ENAH: variants seen among roughly 807,000 people sequenced by gnomAD.
ENAH encodes the protein ENAH actin regulator.
ENAH carries 23 observed loss-of-function variants against 78.7 expected under a neutral mutation model. The observed-to-expected ratio is 0.29, with a 90% CI of 0.21 to 0.41. ENAH has a LOEUF of 0.41. ENAH is among the 10% of genes least tolerant of loss of function. The probability of loss-of-function intolerance (pLI) is 1.00; values close to 1 mark genes in which losing one functional copy is unlikely to be tolerated. For missense variants in ENAH, 544 were observed against 691.0 expected, an observed-to-expected ratio of 0.79 and a Z score of 2.39; for synonymous variants, 226 against 241.0, an observed-to-expected ratio of 0.94 and a Z score of 0.58.
chr1:225,529,493 C>A (rs1374151717), intron 4 of ENAH, among the ~76,000 whole-genome samples: 1 of 152,084 alleles, frequency 6.6e-6, no homozygotes, highest in African/African-American at 2.4e-5. Context: ...TCCCTCTGCC[C>A]CTTCACAACA....
intron 1 of ENAH, among the ~76,000 whole-genome samples, chr1:225,623,614 C>A (rs1657408971): frequency 7.0e-6 from 1 of 142,252 alleles, no homozygotes; most frequent in African/African-American, 2.6e-5. Flanking sequence ...GAGACGGAGT[C>A]TTGCTCTGTC....
At chr1:225,524,190 G>A (rs2151207690) in intron 4 of ENAH, among the ~76,000 whole-genome samples, 1 of 152,186 alleles carries the variant, frequency 6.6e-6, no homozygotes, top group Admixed American at 6.5e-5. Context: ...GATGCACAAA[G>A]CATCAGCCCA....
chr1:225,564,541 C>G (rs2096725408), intron 2 of ENAH, among the ~76,000 whole-genome samples: 1 of 151,580 alleles, frequency 6.6e-6, no homozygotes, highest in African/African-American at 2.4e-5. Flanking sequence ...GTGATCCACC[C>G]ACCTTGGCCT....
chr1:225,567,288 G>A lies in ENAH; in HGVS notation c.132C>T (p.Asn44=), dbSNP rs1482564288. ...TCTTCCTGCCCACCACTCTGAATGT[G>A]TTGTTGCCTGTATGGTGATAGATAT... ...RVHIYHHTGN[N]TFRVVGRKIQ... Residue 44 remains asparagine, a synonymous_variant, in exon 2 of 14, where the codon AAC becomes AAT. Transcript: ENST00000366843. The A allele has an allele frequency of 4.3e-6, 7 of 1,614,072 alleles. No individual in the cohort carries two copies. The highest frequency in any genetic ancestry group is 5.9e-6 in the Non-Finnish European group (7 of 1,179,986).
chr1:225,513,074 A>C, intron 7 of ENAH, 58 bp from the exon 8 acceptor site: 1 of 1,398,808 alleles, frequency 7.1e-7, no homozygotes. Context: ...TATTTTTATT[A>C]ATATATTACA....
intron 13 of ENAH, 139 bp downstream of exon 13, chr1:225,498,208 C>T (rs1366221485): frequency 4.4e-6 from 3 of 675,266 alleles, no homozygotes; most frequent in Non-Finnish European, 7.6e-6. Flanking sequence ...CTCCCCAAAA[C>T]CCTAATCCTA....
chr1:225,608,105 G>T (rs1042130989), intron 1 of ENAH, among the ~76,000 whole-genome samples: 3 of 150,012 alleles, frequency 2.0e-5, no homozygotes, highest in Non-Finnish European at 4.4e-5. Context: ...AAAAAGATAC[G>T]CATCCGTGAA....
In ENAH at chr1:225,519,384, G is replaced by A. The variant is rs769785150; in HGVS notation, c.616C>T (p.Arg206Trp). 3.7e-6 allele frequency: 6 copies of A among 1,612,342 alleles called. No homozygotes were observed. The highest frequency in any genetic ancestry group is 2.2e-5 in the South Asian group (2 of 91,032). ...TCCTGCCGCTCCAGGCGTTCCTGCC[G>A]CTCCAGGCGTTCCTGCCGTTCCCGT... ...QERERQERLERQERLERQERL... is the reference protein window; with the variant it reads ...QERERQERLEWQERLERQERL... The change falls in exon 5 of 14, where the codon CGG becomes TGG. Residue 206 changes from arginine to tryptophan, a missense_variant. Physicochemically the swap from Arg to Trp is moderately radical, Grantham distance 101. This residue lies in a region of ENAH where 366 missense variants were observed against 396.1 expected (regional missense o/e 0.92). Transcript: ENST00000366843.
At chr1:225,534,311 A>G (rs201230068) in intron 3 of ENAH, among the ~76,000 whole-genome samples, 1 of 152,172 alleles carries the variant, frequency 6.6e-6, no homozygotes, top group Non-Finnish European at 1.5e-5. Context: ...GGATTTATGA[A>G]CAGCCACACA....
At chr1:225,642,403 G>T (rs1661237136) in intron 1 of ENAH, among the ~76,000 whole-genome samples, 1 of 152,128 alleles carries the variant, frequency 6.6e-6, no homozygotes, top group South Asian at 2.1e-4. Flanking sequence ...TCATACTAGG[G>T]CATGTTGTCA....
intron 3 of ENAH, among the ~76,000 whole-genome samples, chr1:225,534,397 C>T (rs905311178): frequency 6.6e-6 from 1 of 152,042 alleles, no homozygotes. Flanking sequence ...AATACATTAG[C>T]CTTTTCTTTT....
intron 3 of ENAH, 107 bp downstream of exon 3, chr1:225,554,799 G>T: frequency 1.1e-6 from 1 of 933,274 alleles, no homozygotes; most frequent in South Asian, 3.5e-5. Flanking sequence ...ACAAACATTT[G>T]TTTTAACATA....
At chr1:225,640,211 T>C (rs1168433170) in intron 1 of ENAH, among the ~76,000 whole-genome samples, 3 of 152,250 alleles carry the variant, frequency 2.0e-5, no homozygotes, top group African/African-American at 7.2e-5. Context: ...AGAAAAATTA[T>C]GTAAAATTTT....
intron 3 of ENAH, among the ~76,000 whole-genome samples, chr1:225,546,857 G>A (rs1157093847): frequency 6.6e-6 from 1 of 152,176 alleles, no homozygotes; most frequent in Admixed American, 6.5e-5. Flanking sequence ...TTTAAAGCCA[G>A]AATTGTGTCT....
At chr1:225,588,501 T>C (rs2096858430) in intron 1 of ENAH, among the ~76,000 whole-genome samples, 1 of 152,054 alleles carries the variant, frequency 6.6e-6, no homozygotes, top group Non-Finnish European at 1.5e-5. Context: ...TATAAAATGG[T>C]TCAACAAACT....
At chr1:225,633,000 TG>T (rs1659377021) in intron 1 of ENAH, among the ~76,000 whole-genome samples, 1 of 152,018 alleles carries the variant, frequency 6.6e-6, no homozygotes, top group Admixed American at 6.6e-5. Flanking sequence ...AGGAAGTATG[TG>T]GCATGTTAGT....
chr1:225,570,201 C>T, intron 1 of ENAH, among the ~76,000 whole-genome samples: 1 of 151,244 alleles, frequency 6.6e-6, no homozygotes, highest in East Asian at 1.9e-4. Flanking sequence ...ATTAGGCACT[C>T]AGAGAAGCCC....
At chr1:225,650,632 C>G (rs1323581526) in intron 1 of ENAH, among the ~76,000 whole-genome samples, 2 of 151,912 alleles carry the variant, frequency 1.3e-5, no homozygotes, top group Non-Finnish European at 2.9e-5. Flanking sequence ...TGGTGGATCA[C>G]GAGGTCCGGA....
At chr1:225,639,438 C>T (rs1476682729) in intron 1 of ENAH, among the ~76,000 whole-genome samples, 1 of 152,128 alleles carries the variant, frequency 6.6e-6, no homozygotes, top group Non-Finnish European at 1.5e-5. Flanking sequence ...CATTCCACCC[C>T]CATCAATCGA....
Sources: allele counts gnomAD v4.1 joint callset (sites outside exome capture counted in the v4.1 genomes callset), GRCh38; gene constraint gnomAD v4.1.1; regional missense constraint gnomAD v4.1.1; transcripts MANE v1.5; gene names NCBI Gene and HGNC (gene_info 2026-07-23, HGNC 2026-07-21).